KCNK2: variants seen among roughly 807,000 people sequenced by gnomAD.
KCNK2 encodes the protein potassium channel subfamily K member 2.
KCNK2 carries 21 observed loss-of-function variants against 40.5 expected under a neutral mutation model. The ratio of observed to expected loss-of-function variants is 0.52; its 90% CI spans 0.37 to 0.75. The LOEUF is 0.75. Ranked by LOEUF, KCNK2 falls within the 30% of genes least tolerant of loss-of-function variation. The pLI, the probability that KCNK2 is intolerant of heterozygous loss-of-function variation, is 0.00. For missense variants in KCNK2, 399 were observed against 531.6 expected (o/e 0.75, Z 2.45); for synonymous variants, 191 against 202.2 (o/e 0.94, Z 0.47).
intron 2 of KCNK2, among the ~76,000 whole-genome samples, chr1:215,088,590 A>C (rs63288662): frequency 1.3e-5 from 2 of 150,256 alleles, no homozygotes; most frequent in Non-Finnish European, 3.0e-5. Context: ...AAAAAAAAAA[A>C]CCATGACCAG....
intron 2 of KCNK2, among the ~76,000 whole-genome samples, chr1:215,088,502 T>C (rs73088281): frequency 0.039 from 5,933 of 151,982 alleles, 384 homozygotes; most frequent in African/African-American, 0.13. Flanking sequence ...TGTCCCTTCA[T>C]TGGATTGTAG....
At chr1:215,113,492 T>G (rs1660791944) in intron 2 of KCNK2, among the ~76,000 whole-genome samples, 1 of 152,240 alleles carries the variant, frequency 6.6e-6, no homozygotes. Flanking sequence ...TAACACTATA[T>G]GCATAATGCT....
intron 6 of KCNK2, among the ~76,000 whole-genome samples, chr1:215,196,786 G>A (rs1303900742): frequency 1.3e-5 from 2 of 151,910 alleles, no homozygotes; most frequent in African/African-American, 4.8e-5. Flanking sequence ...GAGATGCTAA[G>A]GGAAAAAATG....
chr1:215,142,714 A>G (rs1662236749), intron 3 of KCNK2, among the ~76,000 whole-genome samples: 1 of 152,254 alleles, frequency 6.6e-6, no homozygotes, highest in Admixed American at 6.5e-5. Context: ...AGTGCATTTC[A>G]GTCTACTTTC....
intron 3 of KCNK2, among the ~76,000 whole-genome samples, chr1:215,161,056 C>A (rs554430167): frequency 1.3e-5 from 2 of 152,288 alleles, no homozygotes; most frequent in East Asian, 3.9e-4. Context: ...GGACTTGACA[C>A]TTCTTTATTC....
chr1:215,220,937 G>A (rs183309746), intron 6 of KCNK2, among the ~76,000 whole-genome samples: 175 of 152,166 alleles, frequency 1.2e-3, no homozygotes, highest in African/African-American at 3.9e-3. Context: ...ATTACCACCC[G>A]GGTCATCAGA....
At chr1:215,163,874 AT>A (rs1242111526) in intron 3 of KCNK2, among the ~76,000 whole-genome samples, 1 of 151,830 alleles carries the variant, frequency 6.6e-6, no homozygotes, top group Non-Finnish European at 1.5e-5. Context: ...ATTGGCCTGA[AT>A]TTTTTTTGGC....
Position 215,171,984 on chromosome 1 carries a change from G to T in KCNK2, c.637-13G>T. ...TATATATATATACACACACCTTTCTGTCTCATCCCTAGAAGTGGAATGTTA... is the reference window on the plus strand; with the variant it reads ...TATATATATATACACACACCTTTCTTTCTCATCCCTAGAAGTGGAATGTTA... On this transcript the variant is annotated splice_polypyrimidine_tract_variant and intron_variant, in intron 4 of 6. Coordinates refer to ENST00000444842, the MANE Select transcript of KCNK2 (RefSeq NM_001017425.3). 1 of 1,588,278 alleles carries T rather than the reference G, an allele frequency of 6.3e-7. No homozygotes were observed. The highest frequency in any genetic ancestry group is 1.1e-5 in the South Asian group (1 of 89,826).
chr1:215,218,097 C>T (rs147200730), intron 6 of KCNK2, among the ~76,000 whole-genome samples: 2 of 152,318 alleles, frequency 1.3e-5, no homozygotes, highest in African/African-American at 4.8e-5. Flanking sequence ...AAGGGGACCA[C>T]TTCACTAAGG....
intron 6 of KCNK2, among the ~76,000 whole-genome samples, chr1:215,198,876 C>A (rs954524534): frequency 1.3e-5 from 2 of 152,062 alleles, no homozygotes; most frequent in Admixed American, 6.6e-5. Flanking sequence ...CACATGCTTT[C>A]CCTGAATGAA....
At chr1:215,103,721 C>T (rs1304676225) in intron 2 of KCNK2, among the ~76,000 whole-genome samples, 13 of 152,038 alleles carry the variant, frequency 8.6e-5, no homozygotes, top group African/African-American at 2.4e-5. Flanking sequence ...TTTTCTTGGA[C>T]AGCTGTACTG....
rs925664615 is a variant in KCNK2, at chr1:215,230,085, G to T, written c.964-4743G>T. ...TATATATAGATATATATATCTGTGT[G>T]TGTGTATACACACACACACACACAC... On this transcript the variant is annotated intron_variant, in intron 6 of 6. Transcript: ENST00000444842. 3.4e-4 allele frequency among the ~76,000 whole-genome samples: 7 copies of T among 20,570 alleles called. No individual in the cohort carries two copies. In the South Asian group the frequency reaches 0.011, roughly 34 times the overall value. 13.5% of individuals were successfully genotyped at this position (20,570 alleles called of 152,430 possible).
intron 6 of KCNK2, among the ~76,000 whole-genome samples, chr1:215,230,077 A>C (rs1340857476): frequency 1.6e-5 from 2 of 121,452 alleles, no homozygotes; most frequent in Non-Finnish European, 3.3e-5. Flanking sequence ...AGATATATAT[A>C]TCTGTGTGTG....
intron 5 of KCNK2, among the ~76,000 whole-genome samples, chr1:215,179,935 T>C (rs1488245281): frequency 1.3e-5 from 2 of 152,142 alleles, no homozygotes; most frequent in Non-Finnish European, 2.9e-5. Flanking sequence ...CTTGATGATC[T>C]TTCTAATGCT....
intron 6 of KCNK2, among the ~76,000 whole-genome samples, chr1:215,206,385 C>T (rs570099959): frequency 2.6e-5 from 4 of 152,096 alleles, no homozygotes; most frequent in Admixed American, 6.6e-5. Flanking sequence ...TTAAGAATCA[C>T]AGTCTCACAT....
chr1:215,013,511 T>C (rs1656480720), intron 1 of KCNK2, among the ~76,000 whole-genome samples: 1 of 152,196 alleles, frequency 6.6e-6, no homozygotes, highest in African/African-American at 2.4e-5. Context: ...TAGATAAATT[T>C]GGAAAAAATT....
chr1:215,139,577 A>C (rs1223595794), intron 3 of KCNK2, among the ~76,000 whole-genome samples: 2 of 152,180 alleles, frequency 1.3e-5, no homozygotes, highest in Admixed American at 6.5e-5. Context: ...TGAGATCAGC[A>C]GTTTGAGACC....
intron 6 of KCNK2, among the ~76,000 whole-genome samples, chr1:215,226,599 A>G (rs1485950305): frequency 6.6e-6 from 1 of 152,174 alleles, no homozygotes; most frequent in African/African-American, 2.4e-5. Flanking sequence ...TGCTGGGATT[A>G]CAGGCATGAG....
intron 6 of KCNK2, among the ~76,000 whole-genome samples, chr1:215,201,243 T>TGGGGG (rs79377471): frequency 0.1 from 15,185 of 152,108 alleles, 1,300 homozygotes; most frequent in African/African-American, 0.24. Context: ...TAGATCATAT[T>TGGGGG]GGCTAAAGAA....
Sources: gnomAD v4.1 joint callset for allele counts (sites outside exome capture counted in the v4.1 genomes callset) on GRCh38, gnomAD v4.1.1 for gene constraint, MANE v1.5 for transcripts, NCBI Gene and HGNC (gene_info 2026-07-23, HGNC 2026-07-21) for gene names.